The following ANKRD36C variants were observed in gnomAD, a reference collection of about 807,000 sequenced individuals.
ANKRD36C encodes the protein ankyrin repeat domain-containing protein 36C.
A neutral mutation model predicts 276.4 loss-of-function variants in ANKRD36C; 61 were observed. That is an observed-to-expected ratio of 0.22 (90% CI 0.18 to 0.27). ANKRD36C has a LOEUF of 0.27. Ranked by LOEUF, ANKRD36C falls within the 10% of genes least tolerant of loss-of-function variation. ANKRD36C has a pLI of 1.00. For synonymous variants in ANKRD36C, 483 were observed against 680.1 expected (o/e 0.71, Z 4.51); for missense variants, 1,447 against 2,032.3 (o/e 0.71, Z 5.54).
chr2:95,942,096 G>A (rs1677909898), intron 19 of ANKRD36C, among the ~76,000 whole-genome samples: 1 of 152,294 alleles, frequency 6.6e-6, no homozygotes, highest in South Asian at 2.1e-4. Context: ...CAAATTTGAG[G>A]CACAAAGGGG....
intron 63 of ANKRD36C, among the ~76,000 whole-genome samples, chr2:95,855,021 TGTTA>T (rs1452769587): frequency 6.6e-6 from 1 of 152,216 alleles, no homozygotes; most frequent in Non-Finnish European, 1.5e-5. Flanking sequence ...ACATTATTAA[TGTTA>T]GTCTATATTA....
At chr2:95,920,766 A>G (rs1397952495) in intron 34 of ANKRD36C, among the ~76,000 whole-genome samples, 2 of 148,536 alleles carry the variant, frequency 1.3e-5, no homozygotes, top group Non-Finnish European at 3.0e-5. Flanking sequence ...TTTTGTTTCT[A>G]AAACATGATA....
intron 13 of ANKRD36C, among the ~76,000 whole-genome samples, chr2:95,955,697 G>A (rs1678310795): frequency 6.6e-6 from 1 of 152,070 alleles, no homozygotes; most frequent in Non-Finnish European, 1.5e-5. Flanking sequence ...ACTGCGTTTT[G>A]AACTAAGAAA....
intron 44 of ANKRD36C, among the ~76,000 whole-genome samples, 161 bp downstream of exon 64, chr2:95,893,372 A>G (rs553408201): frequency 6.6e-6 from 1 of 151,264 alleles, no homozygotes; most frequent in East Asian, 2.0e-4. Context: ...GTTCCAGACC[A>G]GCAGCATCAG....
intron 63 of ANKRD36C, among the ~76,000 whole-genome samples, chr2:95,854,771 A>G (rs1675370021): frequency 6.6e-6 from 1 of 152,170 alleles, no homozygotes; most frequent in Admixed American, 6.6e-5. Context: ...GACATGAAGA[A>G]AAACAAAATT....
chr2:95,923,642 T>C lies in ANKRD36C; in HGVS notation c.2070+19A>G, dbSNP rs781324090. The C allele has an allele frequency of 3.7e-5, 60 of 1,609,942 alleles. No homozygotes were observed. The highest frequency in any genetic ancestry group is 2.7e-5 in the Non-Finnish European group (32 of 1,177,660). On this transcript the variant is annotated intron_variant, in intron 31 of 66. Coordinates refer to ENST00000456556, the Ensembl canonical transcript of ANKRD36C. ...ACTATACAGTTACTAATACAAAATA[T>C]AAATGAGAGTTTAATTACCTTTGAG...
chr2:95,876,652 C>G (rs1675963272), intron 58 of ANKRD36C, 140 bp from the exon 79 acceptor site: 1 of 623,468 alleles, frequency 1.6e-6, no homozygotes, highest in Non-Finnish European at 2.8e-6. Context: ...GAGATCGAGA[C>G]CATCCTGGCT....
intron 6 of ANKRD36C, among the ~76,000 whole-genome samples, chr2:95,968,046 T>C (rs1245176933): frequency 6.6e-6 from 1 of 152,054 alleles, no homozygotes; most frequent in Non-Finnish European, 1.5e-5. Context: ...GAGCCAAGAT[T>C]GTGCCATTCC....
chr2:95,857,021 A>G (rs1213722147), intron 62 of ANKRD36C, among the ~76,000 whole-genome samples: 2 of 152,188 alleles, frequency 1.3e-5, no homozygotes, highest in Non-Finnish European at 2.9e-5. Context: ...TGTAATTAAT[A>G]TGAAATAGGG....
At chr2:95,855,245 C>G (rs1258788873) in intron 63 of ANKRD36C, 21 bp downstream of exon 83, 44 of 1,524,650 alleles carry the variant, frequency 2.9e-5, no homozygotes, top group Non-Finnish European at 3.8e-5. Flanking sequence ...TTGAAAAATA[C>G]TTATTTTTCT....
At chr2:95,963,996 T>TAA in intron 6 of ANKRD36C, among the ~76,000 whole-genome samples, 2 of 16,120 alleles carry the variant, frequency 1.2e-4, no homozygotes, top group African/African-American at 9.2e-4. Flanking sequence ...TATATATATA[T>TAA]ATATATATAT....
At chr2:95,961,258 G>T (rs915163503) in intron 8 of ANKRD36C, among the ~76,000 whole-genome samples, 2 of 151,962 alleles carry the variant, frequency 1.3e-5, no homozygotes, top group African/African-American at 4.8e-5. Context: ...ACACCGCTGT[G>T]GAGTCATAAT....
intron 42 of ANKRD36C, among the ~76,000 whole-genome samples, chr2:95,907,711 T>C (rs1997258): frequency 2.4e-4 from 35 of 147,432 alleles, no homozygotes; most frequent in African/African-American, 4.4e-4. Context: ...CTAAAGAAGT[T>C]TCATTAAATA....
intron 59 of ANKRD36C, among the ~76,000 whole-genome samples, chr2:95,868,554 T>C (rs1407174076): frequency 6.7e-6 from 1 of 149,820 alleles, no homozygotes; most frequent in Non-Finnish European, 1.5e-5. Flanking sequence ...GTATCTGGTT[T>C]GTTGTCGTTT....
intron 59 of ANKRD36C, among the ~76,000 whole-genome samples, chr2:95,872,298 G>A (rs1249304888): frequency 7.9e-5 from 5 of 63,680 alleles, no homozygotes; most frequent in Admixed American, 2.0e-4. Flanking sequence ...GTAAAAGAAC[G>A]AAAGTATAAC....
rs536459878 is a variant in ANKRD36C at position 95,912,481 on chromosome 2, A to C, written c.2552-46T>G. 21 of 1,603,586 alleles carry C rather than the reference A, an allele frequency of 1.3e-5. No homozygotes were observed. The East Asian group carries it at 4.7e-4, about 36-fold the overall frequency. ...ATAATCACTCACACGTAAATATGAT[A>C]AAGTTATCCATACATTCGCACAGTG... is the stretch of plus-strand genomic sequence containing the variant. On this transcript the variant is annotated intron_variant, in intron 40 of 66. Transcript: ENST00000456556.
chr2:95,941,090 C>T (rs1220790151), intron 20 of ANKRD36C, 70 bp downstream of exon 20: 1 of 1,490 alleles, frequency 6.7e-4, no homozygotes, highest in Non-Finnish European at 1.0e-3. Context: ...ACCTTTGTTT[C>T]TTTGTACACA....
chr2:95,919,657 C>G lies in ANKRD36C; in HGVS notation c.2246-1615G>C, dbSNP rs748712487. On this transcript the variant is annotated intron_variant, in intron 34 of 66. Coordinates refer to ENST00000456556, the Ensembl canonical transcript of ANKRD36C. ...TTCGGCGACTCCCCCCACCCACCCTCCGCTGATTTATTCGGGATAGAGAAG... is the reference window on the plus strand; with the variant it reads ...TTCGGCGACTCCCCCCACCCACCCTGCGCTGATTTATTCGGGATAGAGAAG... 2.2e-5 allele frequency: 12 copies of G among 551,482 alleles called. 2 individuals carry two copies. The highest frequency in any genetic ancestry group is 7.6e-4 in the Middle Eastern group (1 of 1,316). 34.2% of individuals were successfully genotyped at this position (551,482 alleles called of 1,614,324 possible). A position where few individuals can be genotyped will look rare whatever the true frequency, so the allele number is the denominator to read the frequency against.
chr2:95,851,004 A>G (rs1173908640), downstream of ANKRD36C, among the ~76,000 whole-genome samples: 2 of 152,224 alleles, frequency 1.3e-5, no homozygotes, highest in Non-Finnish European at 2.9e-5. Flanking sequence ...ACCCTTCACT[A>G]TGAATGTTTA....
Sources: allele counts gnomAD v4.1 joint callset (sites outside exome capture counted in the v4.1 genomes callset), GRCh38; gene constraint gnomAD v4.1.1; transcripts MANE v1.5; gene names NCBI Gene and HGNC (gene_info 2026-07-23, HGNC 2026-07-21).